The following PCDHGA2 variants were observed in gnomAD, a reference collection of about 807,000 sequenced individuals.
PCDHGA2 encodes protocadherin gamma-A2.
A neutral mutation model predicts 59.2 loss-of-function variants in PCDHGA2; 40 were observed. The observed-to-expected ratio is 0.68, with a 90% confidence interval of 0.52 to 0.88. The LOEUF is 0.88. PCDHGA2 is among the 40% of genes least tolerant of loss of function. The pLI, the probability that PCDHGA2 is intolerant of heterozygous loss-of-function variation, is 0.00. For missense variants in PCDHGA2, 1,226 were observed against 1,204.0 expected (o/e 1.02, Z -0.27); for synonymous variants, 560 against 526.0 (o/e 1.06, Z -0.89).
intron 2 of PCDHGA2, among the ~76,000 whole-genome samples, chr5:141,500,768 A>C (rs2099802446): frequency 6.6e-6 from 1 of 152,180 alleles, no homozygotes; most frequent in African/African-American, 2.4e-5. Flanking sequence ...AACTCCTCTT[A>C]TGAATATACA....
rs1756942293 is a variant in PCDHGA2, at chr5:141,340,413, G to A, written c.1442G>A (p.Ser481Asn). ...VFSVTAHDPD[S>N]NDNAHVTYSF... is the part of the protein sequence containing the mutation. ...TCAGTGACGGCCCATGACCCCGACA[G>A]CAACGACAATGCTCATGTAACTTAC... Residue 481 changes from serine (S) to asparagine (N), a missense_variant, in exon 1 of 4, where the codon AGC becomes AAC. Physicochemically the swap from Ser to Asn is conservative, Grantham distance 46. Coordinates refer to ENST00000394576, the MANE Select transcript of PCDHGA2 (RefSeq NM_018915.4). 6.2e-7 allele frequency: 1 copy of A among 1,614,144 alleles called. No individual in the cohort carries two copies. Among genetic ancestry groups the A allele is most frequent in the Non-Finnish European group, 8.5e-7 (1 of 1,180,034 alleles).
Position 141,476,873 on chromosome 5 carries a change from G to A in PCDHGA2, c.2425-17934G>A. 1.9e-6 allele frequency: 3 copies of A among 1,613,936 alleles called. No homozygotes were observed. Among genetic ancestry groups the A allele is most frequent in the Non-Finnish European group, 2.5e-6 (3 of 1,180,038 alleles). Reference sequence around the variant, plus strand: ...CAACCAGTCCTTGTACCGGGCGCGCGTCCTGGAGGATGCACCCTCCGGCAC... The same window carrying A: ...CAACCAGTCCTTGTACCGGGCGCGCATCCTGGAGGATGCACCCTCCGGCAC... On this transcript the variant is annotated intron_variant, in intron 1 of 3. Transcript: ENST00000394576. The surrounding 1 kb of genome is among the most constrained non-coding windows in gnomAD (Gnocchi z 7.6).
chr5:141,365,470 T>C, intron 1 of PCDHGA2: 1 of 1,614,034 alleles, frequency 6.2e-7, no homozygotes, highest in South Asian at 1.1e-5. Flanking sequence ...GAGAAAATGG[T>C]GAGATTGCAT....
intron 1 of PCDHGA2, chr5:141,384,779 G>A (rs1252058358): frequency 6.2e-6 from 10 of 1,613,592 alleles, no homozygotes; most frequent in East Asian, 2.2e-5. Context: ...GGCGAGGTGC[G>A]CACGGCTCGG....
intron 1 of PCDHGA2, chr5:141,356,861 A>G: frequency 1.2e-6 from 2 of 1,614,148 alleles, no homozygotes; most frequent in South Asian, 1.1e-5. Context: ...TTTGTGCTGG[A>G]CCAGAACGAC....
At chr5:141,371,906 C>G in intron 1 of PCDHGA2, 1 of 1,613,406 alleles carries the variant, frequency 6.2e-7, no homozygotes, top group Non-Finnish European at 8.5e-7. Flanking sequence ...TGTCGTCCTA[C>G]GTGTCCGTGA....
Position 141,446,243 on chromosome 5 carries a change from C to T in PCDHGA2, c.2425-48564C>T, listed in dbSNP as rs552551215. Among the ~76,000 whole-genome samples, 23 of 152,096 alleles carry T rather than the reference C, an allele frequency of 1.5e-4. 1 individual carries two copies. The South Asian group carries it at 4.6e-3, about 30-fold the overall frequency. On this transcript the variant is annotated intron_variant, in intron 1 of 3. Coordinates refer to ENST00000394576, the MANE Select transcript of PCDHGA2 (RefSeq NM_018915.4). ...TTGTGTTGCCTGGCAAGTGGTAGAT[C>T]TTCAGTGAAATATTATTAACTGAAT...
At chr5:141,391,561 G>T (rs2092390304) in intron 1 of PCDHGA2, 2 of 152,026 alleles carry the variant, frequency 1.3e-5, no homozygotes. Flanking sequence ...TTTTCCATAT[G>T]CATAAGAAAA....
chr5:141,467,055 CTTTT>C (rs1193465269), intron 1 of PCDHGA2, among the ~76,000 whole-genome samples: 5 of 134,484 alleles, frequency 3.7e-5, no homozygotes, highest in Non-Finnish European at 4.9e-5. Context: ...TCAATGTTTT[CTTTT>C]TTTTTTTTTT....
intron 1 of PCDHGA2, among the ~76,000 whole-genome samples, chr5:141,369,416 C>T (rs1766232805): frequency 6.6e-6 from 1 of 152,038 alleles, no homozygotes; most frequent in Non-Finnish European, 1.5e-5. Flanking sequence ...ACTATAATCC[C>T]AGCAATTTGG....
chr5:141,413,365 G>A (rs1046513869), intron 1 of PCDHGA2: 14 of 1,614,000 alleles, frequency 8.7e-6, no homozygotes, highest in Non-Finnish European at 1.2e-5. Flanking sequence ...CCGGGAGCTG[G>A]CGGAGCGCGG....
At chr5:141,398,908 G>C (rs2093725359) in intron 1 of PCDHGA2, 1 of 1,613,860 alleles carries the variant, frequency 6.2e-7, no homozygotes, top group South Asian at 1.1e-5. Flanking sequence ...AGGCACCACT[G>C]TGTTGCAAGT....
intron 1 of PCDHGA2, chr5:141,370,493 C>T: frequency 6.2e-7 from 1 of 1,613,944 alleles, no homozygotes; most frequent in Non-Finnish European, 8.5e-7. Flanking sequence ...CCGAACCGAT[C>T]CGCTACGCTA....
chr5:141,392,640 A>T, intron 1 of PCDHGA2: 1 of 651,284 alleles, frequency 1.5e-6, no homozygotes, highest in Non-Finnish European at 2.5e-6. Context: ...CTCACACCTC[A>T]CGAAGACCCG....
intron 1 of PCDHGA2, among the ~76,000 whole-genome samples, chr5:141,438,517 T>G (rs975190211): frequency 6.7e-6 from 1 of 148,384 alleles, no homozygotes; most frequent in Non-Finnish European, 1.5e-5. Context: ...AAACCAATTA[T>G]TTTACATGGA....
chr5:141,405,016 C>A (rs538744733), intron 1 of PCDHGA2: 1 of 1,614,006 alleles, frequency 6.2e-7, no homozygotes, highest in African/African-American at 1.3e-5. Flanking sequence ...AGGCCTCAGA[C>A]CTTACCCTCT....
chr5:141,390,340 A>T (rs762864171), intron 1 of PCDHGA2: 2 of 1,586,842 alleles, frequency 1.3e-6, no homozygotes, highest in South Asian at 2.3e-5. Context: ...CCATATTCAC[A>T]AGAAAATATA....
chr5:141,445,991 T>C (rs532620580), intron 1 of PCDHGA2, among the ~76,000 whole-genome samples: 147 of 152,168 alleles, frequency 9.7e-4, no homozygotes, highest in Admixed American at 3.4e-3. Context: ...TAAATAGAAA[T>C]AGGAAGATAA....
In PCDHGA2 at chr5:141,489,948, T is replaced by C; in HGVS notation, c.2425-4859T>C. 2 of 1,614,210 alleles carry C rather than the reference T, an allele frequency of 1.2e-6. No individual in the cohort carries two copies. Among genetic ancestry groups the C allele is most frequent in the Non-Finnish European group, 1.7e-6 (2 of 1,180,030 alleles). On this transcript the variant is annotated intron_variant, in intron 1 of 3. Coordinates refer to ENST00000394576, the MANE Select transcript of PCDHGA2 (RefSeq NM_018915.4). The surrounding 1 kb of genome is among the most constrained non-coding windows in gnomAD (Gnocchi z 4.5). ...TCTCTGTCATCGTGCTGGACATCAA[T>C]GATAATGCTCCAACCTTCCAATCCT...
Sources: gnomAD v4.1 joint callset for allele counts (sites outside exome capture counted in the v4.1 genomes callset) on GRCh38, gnomAD v4.1.1 for gene constraint, Gnocchi (gnomAD v3.1) non-coding constraint, MANE v1.5 for transcripts, NCBI Gene and HGNC (gene_info 2026-07-23, HGNC 2026-07-21) for gene names.